Variants in EXOC5 observed in about 807,000 individuals in gnomAD.
EXOC5 encodes exocyst complex component 5, also known as SEC10-like 1.
In EXOC5, 17 loss-of-function variants were observed where a neutral mutation model predicts 90.8. The observed-to-expected ratio is 0.19, with a 90% CI of 0.13 to 0.28. The LOEUF is 0.28. Ranked by LOEUF, EXOC5 falls within the 10% of genes least tolerant of loss-of-function variation. EXOC5 has a pLI of 1.00. For missense variants in EXOC5, 569 were observed against 830.6 expected (o/e 0.69, Z 3.87); for synonymous variants, 260 against 270.0 (o/e 0.96, Z 0.36).
At chr14:57,257,489 T>C (rs1049685140) in intron 1 of EXOC5, among the ~76,000 whole-genome samples, 1 of 151,978 alleles carries the variant, frequency 6.6e-6, no homozygotes, top group Non-Finnish European at 1.5e-5. Context: ...ATGCCAAGAT[T>C]TGGAGATAAG....
chr14:57,262,328 G>A (rs1365985355), intron 1 of EXOC5, among the ~76,000 whole-genome samples: 1 of 152,012 alleles, frequency 6.6e-6, no homozygotes, highest in East Asian at 1.9e-4. Context: ...CAAAGAGGTT[G>A]GGTAACTTGC....
In EXOC5 at chr14:57,238,375, TAC is replaced by T. The variant is rs1183693696; in HGVS notation, c.531-1011_531-1010del. ...ATATATATATATATATATATATATA[TAC>T]ACACACACACACACACACACACACA... On this transcript the variant is annotated intron_variant, in intron 5 of 17. Coordinates refer to ENST00000621441, the MANE Select transcript of EXOC5 (RefSeq NM_006544.4). Among the ~76,000 whole-genome samples, 195 of 74,880 alleles carry T rather than the reference TAC, an allele frequency of 2.6e-3. 2 individuals carry two copies. Among genetic ancestry groups the T allele is most frequent in the East Asian group, 0.019 (43 of 2,276 alleles). The allele number at this position is 74,880 out of a possible 152,430, so 49.1% of individuals were successfully genotyped here.
At chr14:57,218,989 C>T (rs1356728217) in intron 14 of EXOC5, among the ~76,000 whole-genome samples, 1 of 151,942 alleles carries the variant, frequency 6.6e-6, no homozygotes. Context: ...CTTTGTCTAT[C>T]GGATCTTTTA....
chr14:57,206,077 A>G lies in EXOC5; in HGVS notation c.*2532T>C, dbSNP rs1332873396. On this transcript the variant is annotated 3_prime_UTR_variant, in exon 18 of 18. Coordinates refer to ENST00000621441, the MANE Select transcript of EXOC5 (RefSeq NM_006544.4). Reference sequence around the variant, plus strand: ...GATATTTCTCAATTTTAGAAAAACAATGCACAGTGTGTTAAGAGCATATTT... The same window carrying G: ...GATATTTCTCAATTTTAGAAAAACAGTGCACAGTGTGTTAAGAGCATATTT... 1 of 442,426 alleles carries G rather than the reference A, an allele frequency of 2.3e-6. No individual in the cohort carries two copies. The highest frequency in any genetic ancestry group is 7.0e-5 in the East Asian group (1 of 14,352). The allele number at this position is 442,426 out of a possible 1,614,324, so 27.4% of individuals were successfully genotyped here. A position where few individuals can be genotyped will look rare whatever the true frequency, so the allele number is the denominator to read the frequency against.
In EXOC5 at chr14:57,226,731, G is replaced by A. The variant is rs1594657907; in HGVS notation, c.1296+3003C>T. ...GACAAAGGTTCTACAGTAATTCAGTGCGGAAAGGATAGTCTTTTCAATAAA... is the reference window on the plus strand; with the variant it reads ...GACAAAGGTTCTACAGTAATTCAGTACGGAAAGGATAGTCTTTTCAATAAA... On this transcript the variant is annotated intron_variant, in intron 12 of 17. Coordinates refer to ENST00000621441, the MANE Select transcript of EXOC5 (RefSeq NM_006544.4). Among the ~76,000 whole-genome samples the A allele has an allele frequency of 2.6e-5, 4 of 152,282 alleles. No individual in the cohort carries two copies. In the East Asian group the frequency reaches 7.7e-4, roughly 29 times the overall value.
At chr14:57,263,690 C>T (rs988758562) in intron 1 of EXOC5, among the ~76,000 whole-genome samples, 10 of 144,132 alleles carry the variant, frequency 6.9e-5, no homozygotes, top group Non-Finnish European at 1.5e-4. Flanking sequence ...CGCTTGAAAC[C>T]AGAGGCAGAG....
Position 57,201,090 on chromosome 14 carries a change from G to A in EXOC5, c.*7519C>T, listed in dbSNP as rs537022290. On this transcript the variant is annotated 3_prime_UTR_variant, in exon 18 of 18. Transcript: ENST00000621441. ...AAAGCCCCCTAGCATTATCTATTGA[G>A]AAAGAGTAGGGTGAGACATCTCAAT... 1 of 152,046 alleles carries A rather than the reference G, an allele frequency of 6.6e-6. No individual in the cohort carries two copies. Among genetic ancestry groups the A allele is most frequent in the Non-Finnish European group, 1.5e-5 (1 of 68,008 alleles). 9.4% of individuals were successfully genotyped at this position (152,046 alleles called of 1,614,324 possible). A position where few individuals can be genotyped will look rare whatever the true frequency, so the allele number is the denominator to read the frequency against.
intron 12 of EXOC5, among the ~76,000 whole-genome samples, chr14:57,223,241 T>C (rs1391293816): frequency 6.6e-6 from 1 of 152,128 alleles, no homozygotes; most frequent in Admixed American, 6.6e-5. Context: ...AATTATTAGT[T>C]ATGCTGGGAA....
intron 2 of EXOC5, 30 bp downstream of exon 2, chr14:57,247,588 T>C: frequency 1.9e-6 from 2 of 1,066,582 alleles, no homozygotes; most frequent in Admixed American, 4.5e-5. Flanking sequence ...CCAGATTAGA[T>C]CTGTGGGGAA....
intron 3 of EXOC5, among the ~76,000 whole-genome samples, chr14:57,245,484 C>G (rs1232107318): frequency 6.6e-6 from 1 of 152,124 alleles, no homozygotes; most frequent in Non-Finnish European, 1.5e-5. Flanking sequence ...AACTCAAACT[C>G]AGGCAGACTT....
At chr14:57,216,586 A>G (rs545412227) in intron 15 of EXOC5, among the ~76,000 whole-genome samples, 1 of 152,284 alleles carries the variant, frequency 6.6e-6, no homozygotes, top group South Asian at 2.1e-4. Context: ...GGATATCTAC[A>G]CACAGGAAAA....
chr14:57,248,566 G>C (rs1003405458), intron 1 of EXOC5, among the ~76,000 whole-genome samples: 1 of 151,830 alleles, frequency 6.6e-6, no homozygotes, highest in Non-Finnish European at 1.5e-5. Context: ...GCTCAATCAA[G>C]AAAATAAAAT....
Position 57,232,659 on chromosome 14 carries a change from A to G in EXOC5, c.938+8T>C. On this transcript the variant is annotated splice_region_variant and intron_variant, in intron 10 of 17. Transcript: ENST00000621441. ...TTATCTATTATTTTCTAATCATTAA[A>G]AATTTACCTTGTATACAGATCATAG... 8.0e-7 allele frequency: 1 copy of G among 1,244,836 alleles called. No individual in the cohort carries two copies. The highest frequency in any genetic ancestry group is 1.1e-6 in the Non-Finnish European group (1 of 887,302). 77.1% of individuals were successfully genotyped at this position (1,244,836 alleles called of 1,614,324 possible).
At chr14:57,232,501 T>C (rs924020176) in intron 10 of EXOC5, 166 bp downstream of exon 10, 1 of 391,794 alleles carries the variant, frequency 2.6e-6, no homozygotes, top group South Asian at 1.1e-4. Context: ...AAGAATGTTG[T>C]ACAATACAGT....
intron 13 of EXOC5, among the ~76,000 whole-genome samples, chr14:57,220,177 T>C (rs748013921): frequency 1.0e-3 from 157 of 151,892 alleles, no homozygotes; most frequent in Non-Finnish European, 1.8e-3. Context: ...TTTCTCTTAA[T>C]AATGGAAAAC....
Position 57,236,042 on chromosome 14 carries a change from T to C in EXOC5, c.560-222A>G, listed in dbSNP as rs372663372. 1.3e-4 allele frequency among the ~76,000 whole-genome samples: 20 copies of C among 152,288 alleles called. No homozygotes were observed. In the South Asian group the frequency reaches 3.9e-3, roughly 30 times the overall value. On this transcript the variant is annotated intron_variant, in intron 6 of 17. Transcript: ENST00000621441. ...AAAACTTCCAAACTGGCAAAATTAC[T>C]GAGCTTTCCAGGGTCTGACTGTCAT... is the stretch of plus-strand genomic sequence containing the variant.
At position 57,205,744 on chromosome 14, in the gene EXOC5, A is replaced by AG. The variant is rs997523457; in HGVS notation, c.*2864dup. ...AAAGCAAAATATTTAGAAGTGAAAGAGGGGGGAAAAAAGAATGATCTACAA... is the reference window on the plus strand; with the variant it reads ...AAAGCAAAATATTTAGAAGTGAAAGAGGGGGGGAAAAAAGAATGATCTACAA... On this transcript the variant is annotated 3_prime_UTR_variant, in exon 18 of 18. Coordinates refer to ENST00000621441, the MANE Select transcript of EXOC5 (RefSeq NM_006544.4). 3 of 388,466 alleles carry AG rather than the reference A, an allele frequency of 7.7e-6. No homozygotes were observed. Among genetic ancestry groups the AG allele is most frequent in the African/African-American group, 6.4e-5 (3 of 46,616 alleles). The allele number at this position is 388,466 out of a possible 1,614,324, so 24.1% of individuals were successfully genotyped here.
intron 15 of EXOC5, chr14:57,211,771 G>A (rs1882833924): frequency 6.6e-6 from 1 of 152,248 alleles, no homozygotes; most frequent in South Asian, 2.1e-4. Flanking sequence ...TACTCAGGAG[G>A]CTGAGGCAGA....
At chr14:57,267,602 G>C (rs893865120) in intron 1 of EXOC5, among the ~76,000 whole-genome samples, 1 of 152,106 alleles carries the variant, frequency 6.6e-6, no homozygotes, top group African/African-American at 2.4e-5. Flanking sequence ...CACAAAAAAG[G>C]GGTCTTTCTT....
Sources: gnomAD v4.1 joint callset for allele counts (sites outside exome capture counted in the v4.1 genomes callset) on GRCh38, gnomAD v4.1.1 for gene constraint, MANE v1.5 for transcripts, NCBI Gene and HGNC (gene_info 2026-07-23, HGNC 2026-07-21) for gene names.